GABRB1: variants seen among roughly 807,000 people sequenced by gnomAD.
GABRB1 encodes the protein gamma-aminobutyric acid type A receptor subunit beta1, also known as gamma-aminobutyric acid receptor subunit beta-1.
GABRB1 carries 17 observed loss-of-function variants against 51.6 expected under a neutral mutation model. The ratio of observed to expected loss-of-function variants is 0.33; its 90% CI spans 0.23 to 0.49. GABRB1 has a LOEUF of 0.49. GABRB1 is among the 20% of genes least tolerant of loss of function. GABRB1 has a pLI of 0.99. For synonymous variants in GABRB1, 247 were observed against 218.9 expected (o/e 1.13, Z -1.14); for missense variants, 410 against 600.6 (o/e 0.68, Z 3.32).
chr4:47,362,431 G>A (rs1726841573), intron 5 of GABRB1, among the ~76,000 whole-genome samples: 1 of 152,132 alleles, frequency 6.6e-6, no homozygotes, highest in African/African-American at 2.4e-5. Context: ...TATCTGTAAT[G>A]AGAGTATCTC....
At chr4:47,166,176 A>T (rs1160680431) in intron 4 of GABRB1, among the ~76,000 whole-genome samples, 1 of 152,134 alleles carries the variant, frequency 6.6e-6, no homozygotes, top group Non-Finnish European at 1.5e-5. Context: ...TATGTTTTAA[A>T]TATTTTATCC....
chr4:47,161,420 A>T lies in GABRB1; in HGVS notation c.412A>T (p.Asn138Tyr). 6.2e-7 allele frequency: 1 copy of T among 1,612,684 alleles called. No homozygotes were observed. The highest frequency in any genetic ancestry group is 8.5e-7 in the Non-Finnish European group (1 of 1,179,158). Residue 138 changes from asparagine to tyrosine, a missense_variant, in exon 4 of 9, where the codon AAT (asparagine) becomes TAT (tyrosine). Physicochemically the swap from Asn to Tyr is moderately radical, Grantham distance 143. Transcript: ENST00000295454. ...KSFVHGVTVK[N>Y]RMIRLHPDGT... ...ATTTGTGCATGGGGTCACAGTGAAA[A>T]ATCGAATGATTCGACTGCATCCTGA...
chr4:47,111,140 C>G (rs1282901649), intron 3 of GABRB1, among the ~76,000 whole-genome samples: 1 of 151,994 alleles, frequency 6.6e-6, no homozygotes, highest in Non-Finnish European at 1.5e-5. Flanking sequence ...GAACTGGAAG[C>G]CTTTTGAGGT....
intron 5 of GABRB1, among the ~76,000 whole-genome samples, chr4:47,328,086 T>C (rs532978932): frequency 6.6e-6 from 1 of 152,216 alleles, no homozygotes; most frequent in African/African-American, 2.4e-5. Context: ...TTTTCATGTG[T>C]CTTTTGGCTG....
At chr4:47,412,262 T>G (rs1175596777) in intron 8 of GABRB1, among the ~76,000 whole-genome samples, 1 of 152,212 alleles carries the variant, frequency 6.6e-6, no homozygotes, top group African/African-American at 2.4e-5. Flanking sequence ...GTAGCTAAAA[T>G]GTAGATAACA....
intron 3 of GABRB1, among the ~76,000 whole-genome samples, chr4:47,071,273 C>G (rs988771916): frequency 2.6e-5 from 4 of 152,218 alleles, no homozygotes; most frequent in African/African-American, 9.7e-5. Context: ...CAGTACCAAA[C>G]CTTCACCATC....
intron 4 of GABRB1, among the ~76,000 whole-genome samples, chr4:47,273,864 T>TACACATACACAC (rs1553869409): frequency 2.5e-5 from 3 of 122,322 alleles, no homozygotes; most frequent in Non-Finnish European, 5.7e-5. Flanking sequence ...CATATATACA[T>TACACATACACAC]ACACACACAC....
intron 3 of GABRB1, among the ~76,000 whole-genome samples, chr4:47,041,571 G>A (rs369253022): frequency 6.6e-6 from 1 of 152,106 alleles, no homozygotes; most frequent in African/African-American, 2.4e-5. Flanking sequence ...AAGTTGCTAA[G>A]AGTGAATCCC....
chr4:47,012,001 AT>A (rs1724596018), intron 1 of GABRB1, among the ~76,000 whole-genome samples: 1 of 152,204 alleles, frequency 6.6e-6, no homozygotes, highest in Admixed American at 6.5e-5. Flanking sequence ...GAATTTAAAA[AT>A]AAATTAATAA....
intron 3 of GABRB1, among the ~76,000 whole-genome samples, chr4:47,079,977 A>G (rs1482256255): frequency 6.6e-6 from 1 of 152,050 alleles, no homozygotes; most frequent in Non-Finnish European, 1.5e-5. Flanking sequence ...GTGCACATGT[A>G]CCCTAAAACT....
At chr4:47,336,726 T>C (rs1725710653) in intron 5 of GABRB1, among the ~76,000 whole-genome samples, 1 of 152,166 alleles carries the variant, frequency 6.6e-6, no homozygotes, top group African/African-American at 2.4e-5. Flanking sequence ...GACAATTGGA[T>C]TTAGCAACAC....
At chr4:47,251,177 G>T (rs1228652061) in intron 4 of GABRB1, among the ~76,000 whole-genome samples, 1 of 152,158 alleles carries the variant, frequency 6.6e-6, no homozygotes, top group Non-Finnish European at 1.5e-5. Context: ...TCCTATGGAT[G>T]TGGTTTCTTG....
At chr4:47,286,382 C>T (rs1047880880) in intron 4 of GABRB1, among the ~76,000 whole-genome samples, 1 of 152,066 alleles carries the variant, frequency 6.6e-6, no homozygotes, top group Non-Finnish European at 1.5e-5. Flanking sequence ...TGTGATATTT[C>T]TAATACAGTT....
At chr4:47,077,915 A>G (rs1727632793) in intron 3 of GABRB1, among the ~76,000 whole-genome samples, 1 of 131,388 alleles carries the variant, frequency 7.6e-6, no homozygotes, top group African/African-American at 2.9e-5. Flanking sequence ...TATATATATT[A>G]TATATTTTAT....
At chr4:47,207,779 C>T (rs967047879) in intron 4 of GABRB1, among the ~76,000 whole-genome samples, 2 of 108,366 alleles carry the variant, frequency 1.8e-5, no homozygotes, top group African/African-American at 3.7e-5. Context: ...TTCTTTTCCA[C>T]TTCTGTAGCA....
At chr4:47,037,187 C>T (rs947266541) in intron 3 of GABRB1, among the ~76,000 whole-genome samples, 1 of 152,192 alleles carries the variant, frequency 6.6e-6, no homozygotes, top group African/African-American at 2.4e-5. Flanking sequence ...TACAGGGACA[C>T]CTATGCCTTT....
chr4:47,340,142 A>C (rs1265503442), intron 5 of GABRB1, among the ~76,000 whole-genome samples: 2 of 152,182 alleles, frequency 1.3e-5, no homozygotes, highest in East Asian at 1.9e-4. Flanking sequence ...GCTTACACAA[A>C]GCTTGGAAAA....
intron 4 of GABRB1, among the ~76,000 whole-genome samples, chr4:47,196,437 A>G (rs7672757): frequency 0.85 from 129,306 of 152,200 alleles, 54,902 homozygotes; most frequent in Middle Eastern, 0.92. Flanking sequence ...TGGAATCTTC[A>G]ATGCTGCCAC....
intron 4 of GABRB1, among the ~76,000 whole-genome samples, chr4:47,206,853 T>C (rs2109804705): frequency 6.6e-6 from 1 of 151,570 alleles, no homozygotes; most frequent in Admixed American, 6.6e-5. Context: ...AATTATAATA[T>C]ATATGTATAT....
Sources: allele counts gnomAD v4.1 joint callset (sites outside exome capture counted in the v4.1 genomes callset), GRCh38; gene constraint gnomAD v4.1.1; transcripts MANE v1.5; gene names NCBI Gene and HGNC (gene_info 2026-07-23, HGNC 2026-07-21).